EAF1: variants seen among roughly 807,000 people sequenced by gnomAD.
EAF1 encodes the protein ELL associated factor 1.
Under a neutral mutation model 26.6 loss-of-function variants are expected in EAF1, and 19 were observed. That is an observed-to-expected ratio of 0.71 (90% confidence interval 0.50 to 1.05). The LOEUF (loss-of-function observed/expected upper bound fraction) is 1.05, where lower values mean the gene tolerates loss of function less well. EAF1 is among the 50% of genes least tolerant of loss of function. The pLI, the probability that EAF1 is intolerant of heterozygous loss-of-function variation, is 0.00. For missense variants in EAF1, 260 were observed against 335.5 expected (o/e 0.78, Z 1.76); for synonymous variants, 102 against 120.6 (o/e 0.85, Z 1.01).
intron 2 of EAF1, among the ~76,000 whole-genome samples, chr3:15,430,741 A>G (rs2061797799): frequency 1.3e-5 from 2 of 152,216 alleles, no homozygotes; most frequent in South Asian, 4.1e-4. Flanking sequence ...TGAAAGCTGG[A>G]TTAAGAACCC....
Position 15,429,961 on chromosome 3 carries a change from A to G in EAF1, c.152A>G (p.Gln51Arg), listed in dbSNP as rs777799552. 1 of 1,613,346 alleles carries G rather than the reference A, an allele frequency of 6.2e-7. No homozygotes were observed. Among genetic ancestry groups the G allele is most frequent in the Non-Finnish European group, 8.5e-7 (1 of 1,179,768 alleles). The change falls in exon 2 of 6, where the codon CAA (glutamine) becomes CGA (arginine). Residue 51 changes from glutamine (Q) to arginine (R), a missense_variant. Physicochemically the swap from Gln to Arg is conservative, Grantham distance 43. Transcript: ENST00000396842. Reference sequence around the variant, plus strand: ...GACACTTCCTGTGAAGGAGAGCTTCAAGTTGGCAAAGGAGATGAAGTCACA... The same window carrying G: ...GACACTTCCTGTGAAGGAGAGCTTCGAGTTGGCAAAGGAGATGAAGTCACA... ...SIDTSCEGEL[Q>R]VGKGDEVTIT...
rs1243003905 is a variant in EAF1 at position 15,434,538 on chromosome 3, G to A, written c.526G>A (p.Glu176Lys). The change falls in exon 4 of 6, where the codon GAG (glutamate) becomes AAG (lysine). Residue 176 changes from glutamate (E) to lysine (K), a missense_variant and splice_region_variant. By Grantham distance (56) the Glu-to-Lys change is moderately conservative. Transcript: ENST00000396842. ...ACCTCAGTTGGATGACATCAAAAGA[G>A]GTAGAGAACATTTTCTGGATCCATG... ...PEPQLDDIKRELRAEVDIIEQ... is the reference protein window; with the variant it reads ...PEPQLDDIKRKLRAEVDIIEQ... The A allele has an allele frequency of 3.7e-6, 6 of 1,613,846 alleles. No individual in the cohort carries two copies. Among genetic ancestry groups the A allele is most frequent in the East Asian group, 2.2e-5 (1 of 44,890 alleles).
chr3:15,436,165 C>T, intron 4 of EAF1, 177 bp from the exon 5 acceptor site: 1 of 455,614 alleles, frequency 2.2e-6, no homozygotes, highest in East Asian at 3.1e-5. Context: ...TGGAAACAGG[C>T]TGTGTTTTTG....
chr3:15,439,210 C>G lies in EAF1; in HGVS notation c.*55C>G, dbSNP rs1387764944. On this transcript the variant is annotated 3_prime_UTR_variant, in exon 6 of 6. Coordinates refer to ENST00000396842, the MANE Select transcript of EAF1 (RefSeq NM_033083.7). Reference sequence around the variant, plus strand: ...TGCACAAACATGCCGCAAGACTGAGCTACTTTGGCGTGGAGTCCATTGCAA... The same window carrying G: ...TGCACAAACATGCCGCAAGACTGAGGTACTTTGGCGTGGAGTCCATTGCAA... 12 of 1,577,852 alleles carry G rather than the reference C, an allele frequency of 7.6e-6. No homozygotes were observed. The highest frequency in any genetic ancestry group is 9.5e-6 in the Non-Finnish European group (11 of 1,154,392).
At chr3:15,428,539 T>C (rs1169533744) in intron 1 of EAF1, among the ~76,000 whole-genome samples, 1 of 152,204 alleles carries the variant, frequency 6.6e-6, no homozygotes, top group African/African-American at 2.4e-5. Context: ...ACCAAGTTCC[T>C]TGTGGGTAAA....
chr3:15,432,163 A>G lies in EAF1; in HGVS notation c.275A>G (p.His92Arg). The G allele has an allele frequency of 6.2e-7, 1 of 1,614,194 alleles. No individual in the cohort carries two copies. Among genetic ancestry groups the G allele is most frequent in the South Asian group, 1.1e-5 (1 of 91,088 alleles). ...AAAGACTGTGTGCTTATTATTAATC[A>G]TGACACTGGTGAATATGTGCTGGAA... Reference protein sequence around the residue: ...YQKDCVLIINHDTGEYVLEKL... With the variant: ...YQKDCVLIINRDTGEYVLEKL... The change falls in exon 3 of 6, where the codon CAT (histidine) becomes CGT (arginine). Residue 92 changes from histidine to arginine, a missense_variant. His to Arg is a conservative substitution (Grantham distance 29). Transcript: ENST00000396842.
At chr3:15,428,614 A>C (rs897557622) in intron 1 of EAF1, among the ~76,000 whole-genome samples, 1 of 151,730 alleles carries the variant, frequency 6.6e-6, no homozygotes, top group African/African-American at 2.4e-5. Context: ...GAAGCAGAAG[A>C]GAGCAGGCGT....
chr3:15,427,918 T>C (rs1457354049), intron 1 of EAF1, 36 bp downstream of exon 1: 23 of 1,481,064 alleles, frequency 1.6e-5, no homozygotes, highest in East Asian at 7.8e-5. Flanking sequence ...CTTCGGCCGC[T>C]CCAGCCGCCA....
intron 3 of EAF1, 41 bp downstream of exon 3, chr3:15,432,264 A>C (rs764622741): frequency 6.2e-7 from 1 of 1,608,012 alleles, no homozygotes. Flanking sequence ...CATGTTTCCA[A>C]ACCTCTGTTA....
rs1226192653 is a variant in EAF1, at chr3:15,440,073, T to C, written c.*918T>C. ...GTTCCATGTGGATCCATACTAAGTA[T>C]TCTTCAGTCAGTGGATTTTAGCAAG... On this transcript the variant is annotated 3_prime_UTR_variant, in exon 6 of 6. Coordinates refer to ENST00000396842, the MANE Select transcript of EAF1 (RefSeq NM_033083.7). The C allele has an allele frequency of 6.6e-6, 1 of 152,212 alleles. No individual in the cohort carries two copies. Among genetic ancestry groups the C allele is most frequent in the Non-Finnish European group, 1.5e-5 (1 of 68,040 alleles). 9.4% of individuals were successfully genotyped at this position (152,212 alleles called of 1,614,324 possible). A position where few individuals can be genotyped will look rare whatever the true frequency, so the allele number is the denominator to read the frequency against.
chr3:15,433,597 A>G (rs2061815097), intron 3 of EAF1, among the ~76,000 whole-genome samples: 1 of 152,244 alleles, frequency 6.6e-6, no homozygotes, highest in Non-Finnish European at 1.5e-5. Context: ...GAATATTCTC[A>G]GCTTGGGATG....
At chr3:15,429,709 A>G (rs2061791397) in intron 1 of EAF1, among the ~76,000 whole-genome samples, 1 of 152,182 alleles carries the variant, frequency 6.6e-6, no homozygotes, top group African/African-American at 2.4e-5. Context: ...GAAACTGGAT[A>G]ATGGTATACC....
rs1462765840 is a variant in EAF1, at chr3:15,440,624, C to T, written c.*1469C>T. 1.3e-5 allele frequency: 2 copies of T among 152,460 alleles called. No individual in the cohort carries two copies. Among genetic ancestry groups the T allele is most frequent in the Admixed American group, 1.3e-4 (2 of 15,256 alleles). 9.4% of individuals were successfully genotyped at this position (152,460 alleles called of 1,614,324 possible). A position where few individuals can be genotyped will look rare whatever the true frequency, so the allele number is the denominator to read the frequency against. On this transcript the variant is annotated 3_prime_UTR_variant, in exon 6 of 6. Transcript: ENST00000396842. ...ATAGGTGGTCTGTCATAGGGGCTTT[C>T]ATTAGAGTTAAACTTCATAGAGTCA...
chr3:15,434,639 A>G, intron 4 of EAF1, 101 bp downstream of exon 4: 1 of 1,362,204 alleles, frequency 7.3e-7, no homozygotes, highest in Non-Finnish European at 1.0e-6. Flanking sequence ...TGGCTGGGGC[A>G]TTCAATGCCA....
At position 15,436,421 on chromosome 3, in the gene EAF1, G is replaced by A. The variant is rs752347537; in HGVS notation, c.606G>A (p.Ser202=). 1.1e-5 allele frequency: 18 copies of A among 1,613,858 alleles called. No homozygotes were observed. Among genetic ancestry groups the A allele is most frequent in the African/African-American group, 2.7e-5 (2 of 74,908 alleles). Reference sequence around the variant, plus strand: ...GCTCTTCAGACTCTGAGAGCTCTTCGGGAAGTGATGACGATAGCTCCAGCA... The same window carrying A: ...GCTCTTCAGACTCTGAGAGCTCTTCAGGAAGTGATGACGATAGCTCCAGCA... ...GSSSSDSESS[S]GSDDDSSSSG... The change falls in exon 5 of 6, where the codon TCG becomes TCA. Residue 202 remains serine (S), a synonymous_variant. Coordinates refer to ENST00000396842, the MANE Select transcript of EAF1 (RefSeq NM_033083.7).
chr3:15,431,955 G>A, intron 2 of EAF1, 132 bp from the exon 3 acceptor site: 1 of 1,039,358 alleles, frequency 9.6e-7, no homozygotes, highest in Non-Finnish European at 1.3e-6. Flanking sequence ...AGATAAAATA[G>A]AAATCAGTTC....
At chr3:15,429,831 TTTAA>T in intron 1 of EAF1, 78 bp from the exon 2 acceptor site, 1 of 852,822 alleles carries the variant, frequency 1.2e-6, no homozygotes, top group African/African-American at 1.7e-5. Flanking sequence ...GAGTAATAAT[TTTAA>T]TTCTTAAATG....
At position 15,436,323 on chromosome 3, in the gene EAF1, G is replaced by A. The variant is rs370763713; in HGVS notation, c.527-19G>A. ...GAAAAGGGCTGCTGTGCTGATCCAT[G>A]TCATATCCTTTATTCCAGAGCTGAG... is the stretch of plus-strand genomic sequence containing the variant. On this transcript the variant is annotated intron_variant, in intron 4 of 5. Transcript: ENST00000396842. 6 of 1,580,028 alleles carry A rather than the reference G, an allele frequency of 3.8e-6. No homozygotes were observed. The African/African-American group carries it at 5.4e-5, about 14-fold the overall frequency.
intron 4 of EAF1, among the ~76,000 whole-genome samples, chr3:15,434,930 G>A (rs999910640): frequency 2.0e-5 from 3 of 152,144 alleles, no homozygotes; most frequent in Admixed American, 1.3e-4. Flanking sequence ...TAGTATATAG[G>A]CTGGAGGAGC....
Sources: allele counts gnomAD v4.1 joint callset (sites outside exome capture counted in the v4.1 genomes callset), GRCh38; gene constraint gnomAD v4.1.1; transcripts MANE v1.5; gene names NCBI Gene and HGNC (gene_info 2026-07-23, HGNC 2026-07-21).